MARVELD2: variants seen among roughly 807,000 people sequenced by gnomAD.
The protein encoded by MARVELD2 is MARVEL domain-containing protein 2.
MARVELD2 carries 49 observed loss-of-function variants against 57.6 expected under a neutral mutation model. That is an observed-to-expected ratio of 0.85 (90% CI 0.68 to 1.08). The LOEUF is 1.08. MARVELD2 is among the 50% of genes least tolerant of loss of function. The pLI, the probability that MARVELD2 is intolerant of heterozygous loss-of-function variation, is 0.00. For synonymous variants in MARVELD2, 238 were observed against 258.8 expected, an observed-to-expected ratio of 0.92 and a Z score of 0.77; for missense variants, 606 against 701.1, an observed-to-expected ratio of 0.86 and a Z score of 1.53.
intron 2 of MARVELD2, among the ~76,000 whole-genome samples, chr5:69,420,762 G>A (rs911036117): frequency 6.6e-6 from 1 of 151,732 alleles, no homozygotes; most frequent in Non-Finnish European, 1.5e-5. Flanking sequence ...AACATTGCAA[G>A]TAGACACCAG....
At chr5:69,417,583 C>T (rs1028224587) in intron 1 of MARVELD2, among the ~76,000 whole-genome samples, 2 of 152,036 alleles carry the variant, frequency 1.3e-5, no homozygotes, top group Non-Finnish European at 2.9e-5. Context: ...GCAGGAGGAT[C>T]GCTTGAGCCC....
intron 3 of MARVELD2, among the ~76,000 whole-genome samples, chr5:69,429,311 C>T (rs183144677): frequency 6.6e-6 from 1 of 152,086 alleles, no homozygotes; most frequent in Non-Finnish European, 1.5e-5. Context: ...AATATTAAAC[C>T]AAAGCCAGTT....
At chr5:69,417,714 C>A (rs753936470) in intron 1 of MARVELD2, among the ~76,000 whole-genome samples, 2 of 151,988 alleles carry the variant, frequency 1.3e-5, no homozygotes, top group Admixed American at 6.6e-5. Flanking sequence ...GAGGCCGAGG[C>A]GGGTGGATTA....
chr5:69,425,137 C>T (rs370877008), intron 3 of MARVELD2, among the ~76,000 whole-genome samples: 11 of 150,296 alleles, frequency 7.3e-5, no homozygotes, highest in Middle Eastern at 3.4e-3. Context: ...AGTAAACTAT[C>T]GCAAGAACAA....
chr5:69,432,426 C>A, intron 3 of MARVELD2, 101 bp from the exon 4 acceptor site: 1 of 1,316,350 alleles, frequency 7.6e-7, no homozygotes, highest in Non-Finnish European at 1.1e-6. Flanking sequence ...CAGGTTTGAG[C>A]CACCCCACCT....
chr5:69,441,833 G>A lies in MARVELD2; in HGVS notation c.*179G>A. 1 of 461,562 alleles carries A rather than the reference G, an allele frequency of 2.2e-6. No homozygotes were observed. The highest frequency in any genetic ancestry group is 4.0e-6 in the Non-Finnish European group (1 of 251,672). 28.6% of individuals were successfully genotyped at this position (461,562 alleles called of 1,614,324 possible). A position where few individuals can be genotyped will look rare whatever the true frequency, so the allele number is the denominator to read the frequency against. On this transcript the variant is annotated 3_prime_UTR_variant, in exon 7 of 7. Coordinates refer to ENST00000325631, the MANE Select transcript of MARVELD2 (RefSeq NM_001038603.3). ...GCCTCCCCAGTAGCTGGGATTACAGGCGTGCGCTGCCACACCCCGCTAATT... is the reference window on the plus strand; with the variant it reads ...GCCTCCCCAGTAGCTGGGATTACAGACGTGCGCTGCCACACCCCGCTAATT...
rs201691267 is a variant in MARVELD2, at chr5:69,440,404, G to A, written c.1504-46G>A. On this transcript the variant is annotated intron_variant, in intron 5 of 6. Transcript: ENST00000325631. Reference sequence around the variant, plus strand: ...CAGTGTGCTTTGAGATATGATTTGAGTAAATGCAAATGTTTTAACTTAAGT... The same window carrying A: ...CAGTGTGCTTTGAGATATGATTTGAATAAATGCAAATGTTTTAACTTAAGT... The A allele has an allele frequency of 6.3e-6, 6 of 956,148 alleles. No individual in the cohort carries two copies. In the African/African-American group the frequency reaches 8.1e-5, roughly 13 times the overall value. 59.2% of individuals were successfully genotyped at this position (956,148 alleles called of 1,614,324 possible).
rs573765426 is a variant in MARVELD2, at chr5:69,419,769, G to A, written c.384G>A (p.Ser128=). ...CTCCAGCAAGACCAAACCACCGTTCGCCCCTCAACTCCTGCAAAGATCCCT... is the reference window on the plus strand; with the variant it reads ...CTCCAGCAAGACCAAACCACCGTTCACCCCTCAACTCCTGCAAAGATCCCT... ...PASPARPNHR[S]PLNSCKDPYG... Residue 128 remains serine, a synonymous_variant, in exon 2 of 7, where the codon TCG becomes TCA. Transcript: ENST00000325631. The A allele has an allele frequency of 1.3e-5, 21 of 1,614,090 alleles. No individual in the cohort carries two copies. In the African/African-American group the frequency reaches 1.6e-4, roughly 12 times the overall value.
At position 69,419,427 on chromosome 5, in the gene MARVELD2, C is replaced by T. The variant is rs778971496; in HGVS notation, c.42C>T (p.Tyr14=). The T allele has an allele frequency of 1.1e-5, 18 of 1,614,090 alleles. No individual in the cohort carries two copies. Among genetic ancestry groups the T allele is most frequent in the Middle Eastern group, 1.6e-4 (1 of 6,084 alleles). ...DGRSRNRDRR[Y]DEVPSDLPYQ... The stretch of plus-strand genomic sequence containing the variant: ...GATCCAGGAATCGGGACAGGCGCTA[C>T]GATGAGGTCCCAAGCGACCTGCCCT... Residue 14 remains tyrosine, a synonymous_variant, in exon 2 of 7, where the codon TAC becomes TAT. Transcript: ENST00000325631.
chr5:69,427,772 G>A (rs1409024652), intron 3 of MARVELD2, among the ~76,000 whole-genome samples: 1 of 152,174 alleles, frequency 6.6e-6, no homozygotes, highest in Non-Finnish European at 1.5e-5. Context: ...TCCCACAAAA[G>A]CCTGACGAAG....
At chr5:69,432,422 T>G in intron 3 of MARVELD2, 105 bp from the exon 4 acceptor site, 1 of 1,288,678 alleles carries the variant, frequency 7.8e-7, no homozygotes, top group South Asian at 1.3e-5. Flanking sequence ...ATTACAGGTT[T>G]GAGCCACCCC....
chr5:69,420,087 A>G lies in MARVELD2; in HGVS notation c.702A>G (p.Gly234=). The G allele has an allele frequency of 6.2e-7, 1 of 1,614,068 alleles. No individual in the cohort carries two copies. Among genetic ancestry groups the G allele is most frequent in the East Asian group, 2.2e-5 (1 of 44,882 alleles). The change falls in exon 2 of 7, where the codon GGA becomes GGG. Residue 234 remains glycine (G), a synonymous_variant. Transcript: ENST00000325631. ...LFGYSQPYGM[G]GVGGLGSMYG... is the part of the protein sequence containing the mutation. ...GATATTCACAACCGTATGGCATGGGAGGCGTTGGTGGATTGGGCAGTATGT... is the reference window on the plus strand; with the variant it reads ...GATATTCACAACCGTATGGCATGGGGGGCGTTGGTGGATTGGGCAGTATGT...
intron 3 of MARVELD2, among the ~76,000 whole-genome samples, chr5:69,428,270 G>C (rs1376902307): frequency 8.9e-6 from 1 of 112,316 alleles, no homozygotes; most frequent in African/African-American, 3.2e-5. Flanking sequence ...TGGAAGCCAA[G>C]GTGGGTGGAT....
At chr5:69,436,069 T>C (rs894489974) in intron 5 of MARVELD2, among the ~76,000 whole-genome samples, 1 of 152,220 alleles carries the variant, frequency 6.6e-6, no homozygotes, top group African/African-American at 2.4e-5. Context: ...CAAATGTCTA[T>C]ATAGTCATTT....
chr5:69,417,541 C>T (rs145399032), intron 1 of MARVELD2, among the ~76,000 whole-genome samples: 7 of 152,298 alleles, frequency 4.6e-5, no homozygotes, highest in South Asian at 2.1e-4. Flanking sequence ...CAGTGGCTAA[C>T]GCTTGTAATC....
chr5:69,428,292 A>G (rs1208110489), intron 3 of MARVELD2, among the ~76,000 whole-genome samples: 1 of 44,388 alleles, frequency 2.3e-5, no homozygotes, highest in Non-Finnish European at 4.8e-5. Context: ...ACCAGAGGTC[A>G]GGAGTTTGAG....
At chr5:69,422,619 C>A (rs188278179) in intron 2 of MARVELD2, among the ~76,000 whole-genome samples, 1 of 152,102 alleles carries the variant, frequency 6.6e-6, no homozygotes, top group Non-Finnish European at 1.5e-5. Flanking sequence ...AATTTTGCCC[C>A]GTCCTGTGGC....
At chr5:69,428,922 A>C (rs1766875900) in intron 3 of MARVELD2, among the ~76,000 whole-genome samples, 1 of 152,240 alleles carries the variant, frequency 6.6e-6, no homozygotes, top group Non-Finnish European at 1.5e-5. Context: ...GCTCCCCCTA[A>C]TGTTTAATAC....
intron 5 of MARVELD2, among the ~76,000 whole-genome samples, chr5:69,439,887 C>T (rs1053026958): frequency 3.3e-5 from 5 of 151,986 alleles, no homozygotes; most frequent in Admixed American, 2.6e-4. Context: ...TTGGATAGGC[C>T]GTTCAACTCC....
Sources: gnomAD v4.1 joint callset for allele counts (sites outside exome capture counted in the v4.1 genomes callset) on GRCh38, gnomAD v4.1.1 for gene constraint, MANE v1.5 for transcripts, NCBI Gene and HGNC (gene_info 2026-07-23, HGNC 2026-07-21) for gene names.